The following KIAA1217 variants were observed in gnomAD, a reference collection of about 807,000 sequenced individuals.
The protein encoded by KIAA1217 is sickle tail protein homolog.
KIAA1217 carries 88 observed loss-of-function variants against 163.9 expected under a neutral mutation model. The ratio of observed to expected loss-of-function variants is 0.54; its 90% CI spans 0.45 to 0.64. The LOEUF is 0.64. KIAA1217 is among the 30% of genes least tolerant of loss of function. The pLI is 0.00. For synonymous variants in KIAA1217, 903 were observed against 923.1 expected (o/e 0.98, Z 0.39); for missense variants, 2,372 against 2,475.0 (o/e 0.96, Z 0.88).
chr10:24,132,481 C>T lies in KIAA1217; in HGVS notation c.-170-87145C>T, dbSNP rs567058552. Reference sequence around the variant, plus strand: ...AGAACATGCTCAATTTTAGAGGCTACGAGGAATATAAGATGAATCGGACAT... The same window carrying T: ...AGAACATGCTCAATTTTAGAGGCTATGAGGAATATAAGATGAATCGGACAT... On this transcript the variant is annotated intron_variant, in intron 2 of 18. Coordinates refer to the KIAA1217 transcript ENST00000376462. Among the ~76,000 whole-genome samples the T allele has an allele frequency of 5.9e-5, 9 of 152,244 alleles. No homozygotes were observed. The South Asian group carries it at 1.5e-3, about 25-fold the overall frequency.
chr10:24,057,710 G>T (rs1039347858), intron 2 of KIAA1217, among the ~76,000 whole-genome samples: 1 of 152,124 alleles, frequency 6.6e-6, no homozygotes, highest in South Asian at 2.1e-4. Flanking sequence ...CTTCGGAGTC[G>T]TGTCTATTCA....
intron 2 of KIAA1217, among the ~76,000 whole-genome samples, chr10:24,099,491 A>G (rs1267212465): frequency 6.6e-6 from 1 of 150,756 alleles, no homozygotes; most frequent in Non-Finnish European, 1.5e-5. Flanking sequence ...AGCTTCATCT[A>G]TGTGGCTATG....
chr10:24,525,939 C>T (rs1227113866), intron 13 of KIAA1217, among the ~76,000 whole-genome samples: 1 of 152,146 alleles, frequency 6.6e-6, no homozygotes, highest in South Asian at 2.1e-4. Context: ...TTCAGTGAGC[C>T]AAGATCACGC....
At chr10:24,015,740 G>GT (rs1589236813) in intron 2 of KIAA1217, among the ~76,000 whole-genome samples, 2 of 144,020 alleles carry the variant, frequency 1.4e-5, no homozygotes, top group African/African-American at 5.0e-5. Context: ...GGGCCTCAGA[G>GT]TGAGACTCTG....
chr10:24,056,798 A>G (rs2131592504), intron 2 of KIAA1217, among the ~76,000 whole-genome samples: 1 of 152,348 alleles, frequency 6.6e-6, no homozygotes, highest in Non-Finnish European at 1.5e-5. Context: ...GAACTATCAG[A>G]TACAGAATAT....
chr10:24,368,594 G>A lies in KIAA1217; in HGVS notation c.355-12275G>A, dbSNP rs189064499. On this transcript the variant is annotated intron_variant, in intron 2 of 20. Transcript: ENST00000376454. ...AGGATGAAGGTTAAGGTTGGAAATC[G>A]AAGGTGATCTTCCCCCTTTAGTGAA... 2.7e-3 allele frequency among the ~76,000 whole-genome samples: 405 copies of A among 152,168 alleles called. 1 individual carries two copies. The highest frequency in any genetic ancestry group is 3.5e-3 in the Non-Finnish European group (241 of 67,998).
At chr10:23,869,156 C>CTTTTTTTTTTTTTTTTTTTT (rs1840342411) in intron 1 of KIAA1217, among the ~76,000 whole-genome samples, 1 of 27,424 alleles carries the variant, frequency 3.6e-5, no homozygotes, top group African/African-American at 1.5e-4. Flanking sequence ...TTTTTTTTTG[C>CTTTTTTTTTTTTTTTTTTTT]ATAAGTAGCA....
chr10:24,427,609 A>G (rs2059277748), intron 3 of KIAA1217, among the ~76,000 whole-genome samples: 1 of 152,208 alleles, frequency 6.6e-6, no homozygotes, highest in Admixed American at 6.5e-5. Flanking sequence ...GAGATGAAAT[A>G]CATACACATG....
intron 1 of KIAA1217, among the ~76,000 whole-genome samples, chr10:23,709,491 T>C (rs1837097553): frequency 6.6e-6 from 1 of 151,146 alleles, no homozygotes; most frequent in Admixed American, 6.6e-5. Flanking sequence ...AGCATGCCAC[T>C]GCACTTCAGC....
At chr10:24,207,087 A>G (rs530870000), upstream of KIAA1217, among the ~76,000 whole-genome samples, 25 of 152,216 alleles carry the variant, frequency 1.6e-4, no homozygotes, top group African/African-American at 5.8e-4. Flanking sequence ...GTGGCTGCCA[A>G]CGGCTGTGGC....
intron 1 of KIAA1217, among the ~76,000 whole-genome samples, chr10:23,895,685 A>G (rs1385297757): frequency 2.6e-5 from 4 of 152,084 alleles, no homozygotes; most frequent in African/African-American, 9.7e-5. Context: ...ATAAAGACAC[A>G]TGCACACGTA....
At chr10:23,795,248 C>T (rs1836144614) in intron 1 of KIAA1217, among the ~76,000 whole-genome samples, 1 of 152,190 alleles carries the variant, frequency 6.6e-6, no homozygotes, top group South Asian at 2.1e-4. Context: ...GTCTCCCTGC[C>T]TCCCTTACTA....
chr10:24,410,073 T>G (rs2057621859), intron 3 of KIAA1217, among the ~76,000 whole-genome samples: 1 of 149,826 alleles, frequency 6.7e-6, no homozygotes, highest in African/African-American at 2.5e-5. Flanking sequence ...CTTGACTCAC[T>G]GTAACCTCCG....
intron 14 of KIAA1217, among the ~76,000 whole-genome samples, chr10:24,530,704 C>G (rs1325603131): frequency 1.3e-5 from 2 of 152,032 alleles, no homozygotes; most frequent in African/African-American, 2.4e-5. Flanking sequence ...TCAAGAGCAG[C>G]CTGGGCAGCA....
intron 2 of KIAA1217, among the ~76,000 whole-genome samples, chr10:24,150,678 A>G (rs2064568191): frequency 6.6e-6 from 1 of 152,220 alleles, no homozygotes; most frequent in Non-Finnish European, 1.5e-5. Context: ...GCAGTAAAAT[A>G]GCCAAGGACA....
At chr10:24,036,050 C>T (rs149459119) in intron 2 of KIAA1217, among the ~76,000 whole-genome samples, 1 of 152,230 alleles carries the variant, frequency 6.6e-6, no homozygotes, top group Non-Finnish European at 1.5e-5. Flanking sequence ...GCCAGCGGAG[C>T]ACAGGGTTAC....
chr10:23,911,481 C>T (rs182492794), intron 1 of KIAA1217, among the ~76,000 whole-genome samples: 10 of 152,302 alleles, frequency 6.6e-5, no homozygotes, highest in East Asian at 1.9e-4. Flanking sequence ...AGATGCTATA[C>T]GAAGGACATG....
At chr10:24,191,435 A>G (rs1411725263) in intron 2 of KIAA1217, among the ~76,000 whole-genome samples, 1 of 152,106 alleles carries the variant, frequency 6.6e-6, no homozygotes, top group African/African-American at 2.4e-5. Flanking sequence ...CAATAACTTA[A>G]TTGTACATTT....
At chr10:24,100,412 A>T (rs1054642683) in intron 2 of KIAA1217, among the ~76,000 whole-genome samples, 1 of 152,234 alleles carries the variant, frequency 6.6e-6, no homozygotes, top group South Asian at 2.1e-4. Context: ...ATTTAAATAC[A>T]TTAATTACTT....
Sources: gnomAD v4.1 joint callset for allele counts (sites outside exome capture counted in the v4.1 genomes callset) on GRCh38, gnomAD v4.1.1 for gene constraint, MANE v1.5 for transcripts, NCBI Gene and HGNC (gene_info 2026-07-23, HGNC 2026-07-21) for gene names.